MACROD2: variants seen among roughly 807,000 people sequenced by gnomAD.
MACROD2 encodes ADP-ribose glycohydrolase MACROD2.
MACROD2 carries 36 observed loss-of-function variants against 70.4 expected under a neutral mutation model. The observed-to-expected ratio is 0.51, with a 90% CI of 0.39 to 0.68. The LOEUF is 0.68. MACROD2 is among the 30% of genes least tolerant of loss of function. The pLI, the probability that MACROD2 is intolerant of heterozygous loss-of-function variation, is 0.00. For missense variants in MACROD2, 496 were observed against 538.4 expected (o/e 0.92, Z 0.78); for synonymous variants, 172 against 178.8 (o/e 0.96, Z 0.30).
rs1415968557 is a variant in MACROD2, at chr20:14,844,138, A to C, written c.418+159179A>C. Among the ~76,000 whole-genome samples, 10 of 152,002 alleles carry C rather than the reference A, an allele frequency of 6.6e-5. 1 individual carries two copies. The highest frequency in any genetic ancestry group is 7.4e-5 in the Non-Finnish European group (5 of 67,958). ...TTTTCTTGTTCTAGGAGCTAAAAAT[A>C]TCTCTCCTGCCATGGCCTGAGGGTC... On this transcript the variant is annotated intron_variant, in intron 5 of 17. Coordinates refer to ENST00000684519, the MANE Select transcript of MACROD2 (RefSeq NM_001351661.2).
chr20:14,074,935 C>T (rs545713320), intron 2 of MACROD2, among the ~76,000 whole-genome samples: 6 of 152,288 alleles, frequency 3.9e-5, no homozygotes, highest in Middle Eastern at 3.4e-3. Flanking sequence ...GGAAGTGAAT[C>T]ATCCTTTTTC....
At chr20:15,768,138 C>CTGTGTGTG (rs557053436) in intron 8 of MACROD2, among the ~76,000 whole-genome samples, 12 of 148,546 alleles carry the variant, frequency 8.1e-5, no homozygotes, top group African/African-American at 2.9e-4. Context: ...GTGTATGTGT[C>CTGTGTGTG]TGTGTGTGTG....
intron 5 of MACROD2, among the ~76,000 whole-genome samples, chr20:15,164,195 A>T (rs2145878486): frequency 1.3e-5 from 2 of 152,304 alleles, no homozygotes; most frequent in South Asian, 4.1e-4. Flanking sequence ...ATAAAACAAA[A>T]GTTACAATAA....
intron 15 of MACROD2, among the ~76,000 whole-genome samples, chr20:16,018,309 T>A (rs771054548): frequency 3.9e-5 from 6 of 152,098 alleles, no homozygotes; most frequent in Non-Finnish European, 7.4e-5. Flanking sequence ...GCTAGAAATT[T>A]ACAAGGCCTT....
intron 5 of MACROD2, among the ~76,000 whole-genome samples, chr20:15,155,478 C>G (rs950783610): frequency 1.3e-5 from 2 of 152,160 alleles, no homozygotes; most frequent in Non-Finnish European, 2.9e-5. Context: ...GCCCACCCTG[C>G]TACTCTTTAC....
intron 15 of MACROD2, among the ~76,000 whole-genome samples, chr20:15,990,233 T>G (rs753062406): frequency 2.0e-5 from 3 of 152,182 alleles, no homozygotes; most frequent in Non-Finnish European, 2.9e-5. Context: ...TCCAGTCGAA[T>G]AACGTCATTT....
chr20:14,067,123 GTTT>G (rs544348706), intron 2 of MACROD2, among the ~76,000 whole-genome samples: 3 of 85,038 alleles, frequency 3.5e-5, no homozygotes, highest in Non-Finnish European at 4.5e-5. Flanking sequence ...ATTTTTTAGT[GTTT>G]TTTTTTTTTT....
chr20:14,495,804 C>T (rs1201520364), intron 4 of MACROD2, among the ~76,000 whole-genome samples: 3 of 152,052 alleles, frequency 2.0e-5, no homozygotes, highest in African/African-American at 7.2e-5. Flanking sequence ...TAGTGACTTC[C>T]TCTAGATGGT....
At chr20:15,332,581 T>C (rs541767510) in intron 6 of MACROD2, among the ~76,000 whole-genome samples, 58 of 151,554 alleles carry the variant, frequency 3.8e-4, no homozygotes, top group African/African-American at 1.2e-3. Flanking sequence ...GGAAAGAGGC[T>C]GTTCTTACAG....
At chr20:15,185,960 G>A (rs2076532123) in intron 5 of MACROD2, among the ~76,000 whole-genome samples, 1 of 152,146 alleles carries the variant, frequency 6.6e-6, no homozygotes, top group Admixed American at 6.5e-5. Context: ...CTCCTTGTTT[G>A]CCAGCCTAGG....
At chr20:15,355,545 T>G (rs1011779189) in intron 6 of MACROD2, among the ~76,000 whole-genome samples, 1 of 152,202 alleles carries the variant, frequency 6.6e-6, no homozygotes, top group Non-Finnish European at 1.5e-5. Context: ...TTTCATTACA[T>G]AGACAAGATT....
chr20:16,029,609 T>A (rs1413144330), intron 15 of MACROD2, among the ~76,000 whole-genome samples: 1 of 152,200 alleles, frequency 6.6e-6, no homozygotes, highest in Non-Finnish European at 1.5e-5. Context: ...GGTGTTGCCC[T>A]ACCCCATCCC....
chr20:14,280,732 GA>G lies in MACROD2; in HGVS notation c.271+195012del, dbSNP rs1601430918. 2.6e-5 allele frequency among the ~76,000 whole-genome samples: 4 copies of G among 151,832 alleles called. No individual in the cohort carries two copies. The East Asian group carries it at 5.8e-4, about 22-fold the overall frequency. On this transcript the variant is annotated intron_variant, in intron 3 of 17. Coordinates refer to ENST00000684519, the MANE Select transcript of MACROD2 (RefSeq NM_001351661.2). Reference sequence around the variant, plus strand: ...TTCACCTTTTTAAGCATCTTTGTAGGAAAAAAAACTTCCATATACTATCATG... The same window carrying G: ...TTCACCTTTTTAAGCATCTTTGTAGGAAAAAAACTTCCATATACTATCATG...
intron 3 of MACROD2, among the ~76,000 whole-genome samples, chr20:14,416,711 G>A (rs1387122677): frequency 6.6e-6 from 1 of 152,036 alleles, no homozygotes; most frequent in Admixed American, 6.6e-5. Flanking sequence ...CCCACTATGT[G>A]CCAGGCAATA....
chr20:15,566,318 C>A (rs1456613846), intron 8 of MACROD2, among the ~76,000 whole-genome samples: 1 of 151,928 alleles, frequency 6.6e-6, no homozygotes, highest in Non-Finnish European at 1.5e-5. Context: ...ACCCACCCCC[C>A]ACCGTCTCTA....
At chr20:14,586,336 T>C (rs1981376167) in intron 4 of MACROD2, among the ~76,000 whole-genome samples, 1 of 152,074 alleles carries the variant, frequency 6.6e-6, no homozygotes, top group South Asian at 2.1e-4. Flanking sequence ...TTTATATTCT[T>C]AGAATGTTCT....
At position 14,726,732 on chromosome 20, in the gene MACROD2, C is replaced by T. The variant is rs565699052; in HGVS notation, c.418+41773C>T. ...TGGTTCAGTTCACATCTCATAAGTA[C>T]GAAAGTAGGGATTCAAACCCAGGCA... On this transcript the variant is annotated intron_variant, in intron 5 of 17. Transcript: ENST00000684519. Among the ~76,000 whole-genome samples the T allele has an allele frequency of 2.1e-3, 318 of 152,250 alleles. 1 individual carries two copies. The highest frequency in any genetic ancestry group is 7.1e-3 in the African/African-American group (296 of 41,550).
chr20:15,794,984 T>C (rs371655456), intron 8 of MACROD2, among the ~76,000 whole-genome samples: 1 of 152,018 alleles, frequency 6.6e-6, no homozygotes, highest in African/African-American at 2.4e-5. Context: ...ACCCAACCAG[T>C]CTGCTGTTAT....
chr20:14,490,866 A>G (rs2084785752), intron 3 of MACROD2, among the ~76,000 whole-genome samples: 1 of 152,182 alleles, frequency 6.6e-6, no homozygotes, highest in African/African-American at 2.4e-5. Flanking sequence ...AAACTTCAGT[A>G]AACAAATCCC....
Sources: allele counts gnomAD v4.1 joint callset (sites outside exome capture counted in the v4.1 genomes callset), GRCh38; gene constraint gnomAD v4.1.1; transcripts MANE v1.5; gene names NCBI Gene and HGNC (gene_info 2026-07-23, HGNC 2026-07-21).